Variants in NEGR1 observed in about 807,000 individuals in gnomAD.
The protein encoded by NEGR1 is IgLON family member 4.
NEGR1 carries 10 observed loss-of-function variants against 40.9 expected under a neutral mutation model. The observed-to-expected ratio is 0.24, with a 90% CI of 0.15 to 0.42. NEGR1 has a LOEUF of 0.42. Among genes scored for constraint, NEGR1 ranks in the 10% least tolerant of loss-of-function variants. The pLI is 1.00. For synonymous variants in NEGR1, 185 were observed against 166.8 expected (o/e 1.11, Z -0.84); for missense variants, 352 against 438.9 (o/e 0.80, Z 1.77).
At chr1:72,134,292 A>G (rs1301019339) in intron 1 of NEGR1, among the ~76,000 whole-genome samples, 1 of 142,670 alleles carries the variant, frequency 7.0e-6, no homozygotes, top group African/African-American at 2.6e-5. Flanking sequence ...TGCAAGCTCC[A>G]CCTCCCGGGT....
intron 2 of NEGR1, among the ~76,000 whole-genome samples, chr1:71,819,707 A>C (rs1207011658): frequency 6.6e-6 from 1 of 152,002 alleles, no homozygotes; most frequent in Non-Finnish European, 1.5e-5. Context: ...TCTAGAAATA[A>C]ATCAATGCAA....
intron 6 of NEGR1, among the ~76,000 whole-genome samples, chr1:71,581,925 A>T (rs1330654146): frequency 6.6e-6 from 1 of 152,044 alleles, no homozygotes; most frequent in African/African-American, 2.4e-5. Context: ...GCTGGTCTTA[A>T]ACTCCTGGGC....
chr1:71,809,493 A>C (rs146468160), intron 2 of NEGR1, among the ~76,000 whole-genome samples: 3,020 of 152,272 alleles, frequency 0.02, 34 homozygotes, highest in Admixed American at 0.038. Flanking sequence ...GGGGTAATAA[A>C]AGTAAACCAA....
At chr1:71,477,259 A>G (rs1646827535) in intron 6 of NEGR1, 1 of 152,106 alleles carries the variant, frequency 6.6e-6, no homozygotes, top group Non-Finnish European at 1.5e-5. Flanking sequence ...TTTACCAGTA[A>G]TTTTGTTGAC....
intron 1 of NEGR1, among the ~76,000 whole-genome samples, chr1:72,099,886 CAT>C (rs113672812): frequency 0.034 from 5,000 of 148,760 alleles, 248 homozygotes; most frequent in African/African-American, 0.11. Context: ...TCTCTCTCTC[CAT>C]ATATATATAT....
intron 1 of NEGR1, among the ~76,000 whole-genome samples, chr1:71,981,085 C>T (rs1044866939): frequency 1.3e-5 from 2 of 152,118 alleles, no homozygotes; most frequent in Non-Finnish European, 2.9e-5. Flanking sequence ...TAAAATTCAT[C>T]ATTGTATCCC....
chr1:72,101,864 T>C (rs138663353), intron 1 of NEGR1, among the ~76,000 whole-genome samples: 50 of 152,322 alleles, frequency 3.3e-4, no homozygotes, highest in African/African-American at 1.1e-3. Context: ...ACCAGTTTTA[T>C]AGCAGGTTTT....
chr1:72,128,487 A>G (rs1252684278), intron 1 of NEGR1, among the ~76,000 whole-genome samples: 1 of 152,208 alleles, frequency 6.6e-6, no homozygotes, highest in African/African-American at 2.4e-5. Context: ...ACAATAATAG[A>G]TAATATTCAC....
chr1:71,540,827 G>A (rs357243), intron 6 of NEGR1, among the ~76,000 whole-genome samples: 9,548 of 151,636 alleles, frequency 0.063, 1,042 homozygotes, highest in African/African-American at 0.22. Flanking sequence ...TACAGGAAGC[G>A]TGGCACTGGC....
At chr1:71,801,268 C>T (rs974545395) in intron 2 of NEGR1, among the ~76,000 whole-genome samples, 6 of 152,162 alleles carry the variant, frequency 3.9e-5, no homozygotes, top group African/African-American at 1.2e-4. Context: ...GTTAGAGCAT[C>T]TCAAGCATAG....
intron 2 of NEGR1, among the ~76,000 whole-genome samples, chr1:71,837,786 A>T (rs1217532849): frequency 6.6e-6 from 1 of 152,174 alleles, no homozygotes; most frequent in Non-Finnish European, 1.5e-5. Flanking sequence ...TCCATGAAAT[A>T]GATATTGAGC....
chr1:71,990,122 T>C (rs991514898), intron 1 of NEGR1, among the ~76,000 whole-genome samples: 1 of 152,190 alleles, frequency 6.6e-6, no homozygotes, highest in African/African-American at 2.4e-5. Flanking sequence ...ATTTGTCTTC[T>C]CTGTGTATCA....
chr1:71,711,190 A>C (rs1206161992), intron 3 of NEGR1, among the ~76,000 whole-genome samples: 1 of 151,264 alleles, frequency 6.6e-6, no homozygotes, highest in East Asian at 1.9e-4. Context: ...AAAAAAATAC[A>C]AAAAATTAGC....
chr1:72,028,451 T>C (rs1646830597), intron 1 of NEGR1, among the ~76,000 whole-genome samples: 2 of 152,236 alleles, frequency 1.3e-5, no homozygotes, highest in Admixed American at 1.3e-4. Context: ...GTCTGCTATA[T>C]GAGTGTAATT....
chr1:72,089,674 T>C (rs1051643661), intron 1 of NEGR1, among the ~76,000 whole-genome samples: 2 of 152,176 alleles, frequency 1.3e-5, no homozygotes, highest in Non-Finnish European at 2.9e-5. Flanking sequence ...AACTTCTATA[T>C]AAACCTTTTA....
intron 2 of NEGR1, among the ~76,000 whole-genome samples, chr1:71,854,554 T>A (rs1659704082): frequency 1.3e-5 from 2 of 152,244 alleles, no homozygotes; most frequent in South Asian, 4.1e-4. Flanking sequence ...TCCACTCTGA[T>A]GCTGCTATGA....
chr1:72,012,486 C>T (rs1646665982), intron 1 of NEGR1, among the ~76,000 whole-genome samples: 1 of 152,058 alleles, frequency 6.6e-6, no homozygotes, highest in African/African-American at 2.4e-5. Context: ...TCCCCACTAC[C>T]AGCCATTTGA....
intron 4 of NEGR1, among the ~76,000 whole-genome samples, chr1:71,689,323 T>TA (rs1653173516): frequency 6.6e-6 from 1 of 152,166 alleles, no homozygotes; most frequent in African/African-American, 2.4e-5. Flanking sequence ...CTTAAATAAC[T>TA]ATCAGAAAAA....
At chr1:71,592,780 GC>G (rs745490989) in intron 6 of NEGR1, 36 bp downstream of exon 6, 124 of 1,564,272 alleles carry the variant, frequency 7.9e-5, no homozygotes, top group Admixed American at 1.4e-4. Context: ...GGGCCCAGAG[GC>G]CCCTGGAAGC....
Sources: gnomAD v4.1 joint callset for allele counts (sites outside exome capture counted in the v4.1 genomes callset) on GRCh38, gnomAD v4.1.1 for gene constraint, MANE v1.5 for transcripts, NCBI Gene and HGNC (gene_info 2026-07-23, HGNC 2026-07-21) for gene names.